CDK13: variants seen among roughly 807,000 people sequenced by gnomAD.
The protein encoded by CDK13 is cyclin dependent kinase 13.
Under a neutral mutation model 137.6 loss-of-function variants are expected in CDK13, and 40 were observed. That is an observed-to-expected ratio of 0.29 (90% CI 0.23 to 0.38). The LOEUF is 0.38. Ranked by LOEUF, CDK13 falls within the 10% of genes least tolerant of loss-of-function variation. CDK13 has a pLI of 1.00. For missense variants in CDK13, 1,704 were observed against 1,951.8 expected, an observed-to-expected ratio of 0.87 and a Z score of 2.39; for synonymous variants, 869 against 760.1, an observed-to-expected ratio of 1.14 and a Z score of -2.36.
At chr7:40,071,373 T>G (rs1043544425) in intron 9 of CDK13, 7 of 152,228 alleles carry the variant, frequency 4.6e-5, no homozygotes, top group African/African-American at 1.7e-4. Flanking sequence ...GAATGGCAGA[T>G]CTGTCTGGTT....
At chr7:40,000,233 G>A (rs1209120125) in intron 4 of CDK13, among the ~76,000 whole-genome samples, 2 of 152,198 alleles carry the variant, frequency 1.3e-5, no homozygotes, top group East Asian at 1.9e-4. Flanking sequence ...AAAGTTAGCC[G>A]GGCATAGTGG....
At chr7:39,979,435 C>T (rs1015465081) in intron 1 of CDK13, among the ~76,000 whole-genome samples, 6 of 151,994 alleles carry the variant, frequency 3.9e-5, no homozygotes, top group African/African-American at 9.7e-5. Context: ...AGGTTGGTCT[C>T]GAACTTCTGC....
chr7:39,991,485 GT>G (rs1784454144), intron 2 of CDK13, among the ~76,000 whole-genome samples: 7 of 14,806 alleles, frequency 4.7e-4, no homozygotes, highest in Non-Finnish European at 1.8e-4. Context: ...ATTAGCAAAA[GT>G]GTGTGTGTGT....
intron 5 of CDK13, among the ~76,000 whole-genome samples, chr7:40,041,395 A>G (rs753388022): frequency 6.6e-5 from 10 of 152,262 alleles, no homozygotes; most frequent in African/African-American, 9.6e-5. Flanking sequence ...TATGTAATCA[A>G]GACCACAAAT....
intron 10 of CDK13, 29 bp from the exon 11 acceptor site, chr7:40,078,691 A>C (rs1305309406): frequency 7.1e-7 from 1 of 1,409,744 alleles, no homozygotes; most frequent in Non-Finnish European, 9.4e-7. Context: ...TAAAGAACAC[A>C]TCTAACTTTT....
Position 39,951,306 on chromosome 7 carries a change from A to T in CDK13, c.665A>T (p.Gln222Leu), listed in dbSNP as rs2116060701. Residue 222 changes from glutamine to leucine, a missense_variant, in exon 1 of 14, where the codon CAG (glutamine) becomes CTG (leucine). Coordinates refer to ENST00000181839, the MANE Select transcript of CDK13 (RefSeq NM_003718.5). ...CGCGAGCACCGGCGGCGGGATGGGC[A>T]GCGCGGTGGCAGCGAGGCCTCCAAG... ...RHREHRRRDG[Q>L]RGGSEASKSR... The T allele has an allele frequency of 7.2e-7, 1 of 1,389,996 alleles. No individual in the cohort carries two copies. Among genetic ancestry groups the T allele is most frequent in the Non-Finnish European group, 9.2e-7 (1 of 1,082,474 alleles). The allele number at this position is 1,389,996 out of a possible 1,614,324, so 86.1% of individuals were successfully genotyped here. A position where few individuals can be genotyped will look rare whatever the true frequency, so the allele number is the denominator to read the frequency against.
chr7:40,044,304 A>G (rs1180269470), intron 5 of CDK13, among the ~76,000 whole-genome samples: 1 of 151,068 alleles, frequency 6.6e-6, no homozygotes, highest in African/African-American at 2.4e-5. Context: ...TTCTTCATAT[A>G]TGAAGTCTTT....
At chr7:40,021,569 T>TA (rs1238392607) in intron 5 of CDK13, among the ~76,000 whole-genome samples, 39 of 152,300 alleles carry the variant, frequency 2.6e-4, no homozygotes, top group Middle Eastern at 3.4e-3. Flanking sequence ...TTTTTGAAAA[T>TA]ATCACTAAAA....
chr7:40,050,568 T>G (rs1785864963), intron 7 of CDK13, among the ~76,000 whole-genome samples: 1 of 152,044 alleles, frequency 6.6e-6, no homozygotes, highest in African/African-American at 2.4e-5. Flanking sequence ...ATTTTTGTAT[T>G]TTTTAGTAGA....
chr7:40,037,283 C>T (rs1434381812), intron 5 of CDK13, among the ~76,000 whole-genome samples: 2 of 152,120 alleles, frequency 1.3e-5, no homozygotes, highest in Non-Finnish European at 2.9e-5. Flanking sequence ...TTTGGGGTCT[C>T]TCATAAGATT....
intron 7 of CDK13, among the ~76,000 whole-genome samples, chr7:40,058,035 G>A (rs1246573344): frequency 6.6e-6 from 1 of 152,062 alleles, no homozygotes; most frequent in Non-Finnish European, 1.5e-5. Context: ...TCAAAGTAGG[G>A]GTGGTAGTGG....
rs759838977 is a variant in CDK13, at chr7:40,045,993, T to C, written c.2511T>C (p.Asp837=). 8.7e-6 allele frequency: 14 copies of C among 1,604,494 alleles called. No homozygotes were observed. Among genetic ancestry groups the C allele is most frequent in the Non-Finnish European group, 9.4e-6 (11 of 1,172,204 alleles). The part of the protein sequence containing the change: ...YCHKKNFLHR[D]IKCSNILLNN... ...ATAAGAAGAACTTTTTGCATAGAGA[T>C]ATTAAATGTTCCAATATCCTTCTAA... is the stretch of plus-strand genomic sequence containing the variant. Residue 837 remains aspartate (D), a synonymous_variant, in exon 6 of 14, where the codon GAT becomes GAC. Coordinates refer to ENST00000181839, the MANE Select transcript of CDK13 (RefSeq NM_003718.5).
chr7:40,021,266 G>A (rs1162720698), intron 5 of CDK13, among the ~76,000 whole-genome samples: 1 of 152,098 alleles, frequency 6.6e-6, no homozygotes, highest in Non-Finnish European at 1.5e-5. Context: ...GGAGGCTGAG[G>A]CGGGTGGATC....
At chr7:40,020,363 C>T (rs1340208229) in intron 5 of CDK13, among the ~76,000 whole-genome samples, 3 of 152,180 alleles carry the variant, frequency 2.0e-5, no homozygotes, top group Non-Finnish European at 1.5e-5. Flanking sequence ...CCGCTGCACC[C>T]GGCCCAAATT....
chr7:40,011,401 G>C (rs1319706814), intron 5 of CDK13, among the ~76,000 whole-genome samples: 1 of 152,154 alleles, frequency 6.6e-6, no homozygotes, highest in African/African-American at 2.4e-5. Context: ...TACAAAGCTA[G>C]AGTGCTCAAG....
chr7:40,048,564 T>G (rs1785802443), intron 7 of CDK13: 1 of 152,206 alleles, frequency 6.6e-6, no homozygotes, highest in Non-Finnish European at 1.5e-5. Context: ...TATTTCCATA[T>G]GTGTATATAT....
chr7:39,975,073 G>GA lies in CDK13; in HGVS notation c.1212-12516dup, dbSNP rs113478569. On this transcript the variant is annotated intron_variant, in intron 1 of 13. Transcript: ENST00000181839. ...GATTCCAAGTCATTGCAGAAGTCAG[G>GA]AAAAAAAAAAGACTTTGTTTCTCTC... Among the ~76,000 whole-genome samples the GA allele has an allele frequency of 2.1e-3, 313 of 146,332 alleles. 2 individuals are homozygous for GA. Among genetic ancestry groups the GA allele is most frequent in the African/African-American group, 6.6e-3 (262 of 39,920 alleles).
chr7:40,094,862 G>A lies in CDK13; in HGVS notation c.4421G>A (p.Ser1474Asn). ...GNLQENPSGP[S>N]LMHGQTWTSP... ...TTACAGGAAAATCCGAGTGGCCCCA[G>A]CCTCATGCATGGACAGACCTGGACT... is the stretch of plus-strand genomic sequence containing the variant. Residue 1474 changes from serine to asparagine, a missense_variant, in exon 14 of 14, where the codon AGC becomes AAC. Ser to Asn is a conservative substitution (Grantham distance 46). Transcript: ENST00000181839. 1.3e-6 allele frequency: 2 copies of A among 1,549,406 alleles called. No homozygotes were observed. The highest frequency in any genetic ancestry group is 1.7e-6 in the Non-Finnish European group (2 of 1,149,442).
At chr7:40,052,232 A>C (rs957784855) in intron 7 of CDK13, among the ~76,000 whole-genome samples, 1 of 152,218 alleles carries the variant, frequency 6.6e-6, no homozygotes, top group Non-Finnish European at 1.5e-5. Context: ...GCTGCAGTGC[A>C]CTGGTGTGAT....
Sources: gnomAD v4.1 joint callset for allele counts (sites outside exome capture counted in the v4.1 genomes callset) on GRCh38, gnomAD v4.1.1 for gene constraint, MANE v1.5 for transcripts, NCBI Gene and HGNC (gene_info 2026-07-23, HGNC 2026-07-21) for gene names.